REN: variants seen among roughly 807,000 people sequenced by gnomAD.
The protein encoded by REN is angiotensin-forming enzyme.
REN carries 42 observed loss-of-function variants against 48.6 expected under a neutral mutation model. The observed-to-expected ratio is 0.86, with a 90% CI of 0.68 to 1.12. The LOEUF is 1.12. Among genes scored for constraint, REN ranks in the 50% most tolerant of loss-of-function variants. The pLI is 0.00. For missense variants in REN, 443 were observed against 527.3 expected (o/e 0.84, Z 1.57); for synonymous variants, 196 against 204.6 (o/e 0.96, Z 0.36).
rs1658258457 is a variant in REN at position 204,162,163 on chromosome 1, C to G, written c.99G>C (p.Arg33=). 2 of 1,613,964 alleles carry G rather than the reference C, an allele frequency of 1.2e-6. No homozygotes were observed. The highest frequency in any genetic ancestry group is 2.2e-5 in the South Asian group (2 of 91,040). Residue 33 remains arginine, a splice_region_variant and synonymous_variant, in exon 2 of 10, where the codon CGG becomes CGC. Transcript: ENST00000272190. Reference sequence around the variant, plus strand: ...TTGAGGGCATTCTCTTGAGGAAGATCCTGGCCCAGGGTGGAGGAAGCAAAA... The same window carrying G: ...TTGAGGGCATTCTCTTGAGGAAGATGCTGGCCCAGGGTGGAGGAAGCAAAA... ...GLPTDTTTFK[R]IFLKRMPSIR...
At chr1:204,155,358 A>G (rs574029323) in intron 9 of REN, among the ~76,000 whole-genome samples, 181 bp from the exon 10 acceptor site, 1 of 151,922 alleles carries the variant, frequency 6.6e-6, no homozygotes, top group Non-Finnish European at 1.5e-5. Context: ...CACCACTCCT[A>G]TGTTTAGCCC....
Position 204,159,386 on chromosome 1 carries a change from T to A in REN, c.689+13A>T, listed in dbSNP as rs1310009685. On this transcript the variant is annotated intron_variant, in intron 5 of 9. Coordinates refer to ENST00000272190, the MANE Select transcript of REN (RefSeq NM_000537.4). ...TGTCCCCCCACCTCAGCCCTTGGAG[T>A]CCCAGTCCCCACCTGTTGTAGTAGA... 1 of 1,612,086 alleles carries A rather than the reference T, an allele frequency of 6.2e-7. No homozygotes were observed. Among genetic ancestry groups the A allele is most frequent in the South Asian group, 1.1e-5 (1 of 91,010 alleles).
In REN at chr1:204,159,746, C is replaced by T. The variant is rs865913239; in HGVS notation, c.493-151G>A. 7.2e-5 allele frequency: 50 copies of T among 698,432 alleles called. No individual in the cohort carries two copies. The South Asian group carries it at 7.7e-4, about 11-fold the overall frequency. The allele number at this position is 698,432 out of a possible 1,614,324, so 43.3% of individuals were successfully genotyped here. A position where few individuals can be genotyped will look rare whatever the true frequency, so the allele number is the denominator to read the frequency against. ...GTATTTCCTCAACCCTGCACGCACA[C>T]ACTCTGTGCCAATACACATCTCTGC... On this transcript the variant is annotated intron_variant, in intron 4 of 9. Transcript: ENST00000272190.
At chr1:204,161,439 T>C (rs1240753069) in intron 2 of REN, 24 bp from the exon 3 acceptor site, 1 of 1,494,972 alleles carries the variant, frequency 6.7e-7, no homozygotes, top group Non-Finnish European at 9.0e-7. Flanking sequence ...AAGAGAGGGC[T>C]GGAGGGGCTC....
At chr1:204,160,090 A>T (rs574356226) in intron 4 of REN, among the ~76,000 whole-genome samples, 189 of 152,234 alleles carry the variant, frequency 1.2e-3, no homozygotes, top group African/African-American at 4.3e-3. Context: ...GGCCTGAGAA[A>T]CTCCAGGATG....
At chr1:204,160,896 AT>A (rs1214522769) in intron 3 of REN, among the ~76,000 whole-genome samples, 2 of 152,184 alleles carry the variant, frequency 1.3e-5, no homozygotes, top group Non-Finnish European at 2.9e-5. Flanking sequence ...AAATGAAGGA[AT>A]TTAAAGTAAT....
chr1:204,165,265 C>T (rs2102316536), intron 1 of REN, among the ~76,000 whole-genome samples: 1 of 152,292 alleles, frequency 6.6e-6, no homozygotes, highest in East Asian at 1.9e-4. Flanking sequence ...GCCACTGCTC[C>T]CGGCCAAACC....
chr1:204,159,840 A>G (rs1658212070), intron 4 of REN, among the ~76,000 whole-genome samples: 1 of 152,202 alleles, frequency 6.6e-6, no homozygotes, highest in Non-Finnish European at 1.5e-5. Context: ...TGGTCCTGCC[A>G]AGCAGCAAAA....
chr1:204,160,869 A>G (rs1387859103), intron 3 of REN, among the ~76,000 whole-genome samples, 191 bp from the exon 4 acceptor site: 1 of 152,278 alleles, frequency 6.6e-6, no homozygotes, highest in East Asian at 1.9e-4. Flanking sequence ...GTGCCCATAC[A>G]TCGAGAATTT....
Position 204,155,141 on chromosome 1 carries a change from T to C in REN, c.1096A>G (p.Ile366Val). The change falls in exon 10 of 10, where the codon ATC becomes GTC. Residue 366 changes from isoleucine to valine, a missense_variant. Coordinates refer to ENST00000272190, the MANE Select transcript of REN (RefSeq NM_000537.4). ...YSSKKLCTLA[I>V]HAMDIPPPTG... ...GGTGGCGGGATATCCATGGCGTGGA[T>C]GGCCAGTGTGCACAGCTTTTTACTA... 2 of 1,614,240 alleles carry C rather than the reference T, an allele frequency of 1.2e-6. No individual in the cohort carries two copies. Among genetic ancestry groups the C allele is most frequent in the Non-Finnish European group, 1.7e-6 (2 of 1,180,040 alleles).
At chr1:204,165,834 C>T (rs11240689) in intron 1 of REN, among the ~76,000 whole-genome samples, 20,035 of 152,134 alleles carry the variant, frequency 0.13, 1,264 homozygotes, top group African/African-American at 0.15. Flanking sequence ...TCAAGTGATC[C>T]GTCTCAGCCT....
rs1273084088 is a variant in REN, at chr1:204,159,526, C to T, written c.562G>A (p.Ala188Thr). ...TEMPALPFMLAEFDGVVGMGF... is the reference protein window; with the variant it reads ...TEMPALPFMLTEFDGVVGMGF... ...ATGCCCACAACCCCATCAAACTCGG[C>T]CAGCATGAAGGGTAAGGCGGGCATC... Residue 188 changes from alanine to threonine, a missense_variant, in exon 5 of 10, where the codon GCC becomes ACC. Physicochemically the swap from Ala to Thr is moderately conservative, Grantham distance 58. Coordinates refer to ENST00000272190, the MANE Select transcript of REN (RefSeq NM_000537.4). 6.2e-7 allele frequency: 1 copy of T among 1,614,160 alleles called. No homozygotes were observed. The highest frequency in any genetic ancestry group is 1.1e-5 in the South Asian group (1 of 91,080).
intron 2 of REN, 73 bp downstream of exon 2, chr1:204,161,940 G>A (rs1008795345): frequency 1.9e-6 from 3 of 1,577,800 alleles, no homozygotes; most frequent in Non-Finnish European, 2.6e-6. Flanking sequence ...GGTGAGTCTT[G>A]CAGCAAAGAA....
At chr1:204,158,411 C>CTTT (rs576572389) in intron 5 of REN, among the ~76,000 whole-genome samples, 194 of 97,204 alleles carry the variant, frequency 2.0e-3, no homozygotes, top group Non-Finnish European at 2.7e-3. Flanking sequence ...ACCCTTGTGA[C>CTTT]TTTTTTTTTT....
At position 204,155,001 on chromosome 1, in the gene REN, G is replaced by A. The variant is rs1658123007; in HGVS notation, c.*15C>T. On this transcript the variant is annotated 3_prime_UTR_variant, in exon 10 of 10. Coordinates refer to ENST00000272190, the MANE Select transcript of REN (RefSeq NM_000537.4). ...CCAGGGCTGAAGGCAGGGCCTGCCT[G>A]GGTGGCAGAGGGCCTCAGCGGGCCA... The A allele has an allele frequency of 6.2e-7, 1 of 1,613,306 alleles. No individual in the cohort carries two copies. Among genetic ancestry groups the A allele is most frequent in the South Asian group, 1.1e-5 (1 of 91,054 alleles).
rs1417265415 is a variant in REN at position 204,156,753 on chromosome 1, C to T, written c.742G>A (p.Asp248Asn). The change falls in exon 7 of 10, where the codon GAC becomes AAC. Residue 248 changes from aspartate to asparagine, a missense_variant. Asp to Asn is a conservative substitution (Grantham distance 23, BLOSUM62 1). Coordinates refer to ENST00000272190, the MANE Select transcript of REN (RefSeq NM_000537.4). This position sits in a 1 kb window ranked among gnomAD's most constrained non-coding sequence, Gnocchi z 4.2. The stretch of plus-strand genomic sequence containing the variant: ...AAATTCCCTTCGTAATGCTGGGGGT[C>T]GCTGCCTCCCAGCACAATCTGTCCT... ...LGGQIVLGGS[D>N]PQHYEGNFHY... is the part of the protein sequence containing the mutation. 4.3e-6 allele frequency: 7 copies of T among 1,614,006 alleles called. No individual in the cohort carries two copies. Among genetic ancestry groups the T allele is most frequent in the East Asian group, 4.5e-5 (2 of 44,880 alleles).
intron 2 of REN, among the ~76,000 whole-genome samples, chr1:204,161,754 C>T (rs1230063330): frequency 6.6e-6 from 1 of 152,148 alleles, no homozygotes; most frequent in Non-Finnish European, 1.5e-5. Flanking sequence ...CACCCCTTCC[C>T]ACCCACCTGT....
chr1:204,155,248 A>G, intron 9 of REN, 71 bp from the exon 10 acceptor site: 1 of 1,510,254 alleles, frequency 6.6e-7, no homozygotes, highest in Non-Finnish European at 9.2e-7. Flanking sequence ...CCTGACCCCC[A>G]GCAACTGTCT....
intron 2 of REN, among the ~76,000 whole-genome samples, chr1:204,161,622 G>A (rs1306448450): frequency 6.6e-6 from 1 of 152,082 alleles, no homozygotes; most frequent in Non-Finnish European, 1.5e-5. Context: ...AGTAAGACAA[G>A]AGGGCAAAAT....
Sources: gnomAD v4.1 joint callset for allele counts (sites outside exome capture counted in the v4.1 genomes callset) on GRCh38, gnomAD v4.1.1 for gene constraint, Gnocchi (gnomAD v3.1) non-coding constraint, MANE v1.5 for transcripts, NCBI Gene and HGNC (gene_info 2026-07-23, HGNC 2026-07-21) for gene names.